Variants in PCDHA1 observed in about 807,000 individuals in gnomAD.
PCDHA1 encodes the protein protocadherin alpha 1.
PCDHA1 carries 42 observed loss-of-function variants against 61.3 expected under a neutral mutation model. The observed-to-expected ratio is 0.69, with a 90% CI of 0.54 to 0.89. The LOEUF (loss-of-function observed/expected upper bound fraction) is 0.89, where lower values mean the gene tolerates loss of function less well. PCDHA1 is among the 40% of genes least tolerant of loss of function. PCDHA1 has a pLI of 0.00. For missense variants in PCDHA1, 1,256 were observed against 1,235.3 expected (o/e 1.02, Z -0.25); for synonymous variants, 610 against 553.8 (o/e 1.10, Z -1.43).
chr5:140,879,805 A>G (rs992856039), intron 1 of PCDHA1, among the ~76,000 whole-genome samples: 1 of 152,128 alleles, frequency 6.6e-6, no homozygotes, highest in Non-Finnish European at 1.5e-5. Flanking sequence ...TCCAGTTTCT[A>G]TTGGCTGTTG....
intron 1 of PCDHA1, chr5:140,811,556 A>G (rs1423019320): frequency 6.6e-6 from 1 of 152,204 alleles, no homozygotes; most frequent in Non-Finnish European, 1.5e-5. Flanking sequence ...CTAGTTCCAG[A>G]TCCTTGAGGA....
In PCDHA1 at chr5:140,850,341, G is replaced by T. The variant is rs146727140; in HGVS notation, c.2394+61657G>T. 29 of 1,597,748 alleles carry T rather than the reference G, an allele frequency of 1.8e-5. 2 individuals are homozygous for T. The highest frequency in any genetic ancestry group is 2.4e-5 in the Non-Finnish European group (28 of 1,167,702). Reference sequence around the variant, plus strand: ...TTCATACGAGCTGCAGCCAGAAACGGCCAGCGCGAGCATCCCGTTCCGCGT... The same window carrying T: ...TTCATACGAGCTGCAGCCAGAAACGTCCAGCGCGAGCATCCCGTTCCGCGT... On this transcript the variant is annotated intron_variant, in intron 1 of 3. Transcript: ENST00000504120.
At chr5:140,887,357 A>G (rs112910602) in intron 1 of PCDHA1, among the ~76,000 whole-genome samples, 1 of 152,032 alleles carries the variant, frequency 6.6e-6, no homozygotes, top group Non-Finnish European at 1.5e-5. Flanking sequence ...CGGCCTCCCA[A>G]AGTGCTGGGA....
chr5:140,867,596 G>C (rs1388910756), intron 1 of PCDHA1: 2 of 152,076 alleles, frequency 1.3e-5, no homozygotes, highest in African/African-American at 2.4e-5. Context: ...TTAGATTGGA[G>C]ATAAACCATC....
chr5:140,859,888 A>T (rs2046074014), intron 1 of PCDHA1: 1 of 152,104 alleles, frequency 6.6e-6, no homozygotes. Context: ...TATTTTGAAA[A>T]AAAATCTTCC....
Position 140,786,748 on chromosome 5 carries a change from C to T in PCDHA1, c.458C>T (p.Pro153Leu). ...TCTAGACTCCTGAATTCGCGTTTTC[C>T]GATAGAAGGAGCTGCTGATGCAGAC... The part of the protein sequence containing the change: ...PESRLLNSRF[P>L]IEGAADADIG... Residue 153 changes from proline (P) to leucine (L), a missense_variant, in exon 1 of 4, where the codon CCG (proline) becomes CTG (leucine). Pro to Leu is a moderately conservative substitution (Grantham distance 98). Transcript: ENST00000504120. 2 of 1,614,168 alleles carry T rather than the reference C, an allele frequency of 1.2e-6. No homozygotes were observed. Among genetic ancestry groups the T allele is most frequent in the Non-Finnish European group, 1.7e-6 (2 of 1,180,034 alleles).
intron 3 of PCDHA1, among the ~76,000 whole-genome samples, chr5:140,988,287 C>A (rs2097291303): frequency 6.6e-6 from 1 of 152,240 alleles, no homozygotes; most frequent in Non-Finnish European, 1.5e-5. Context: ...TGCCATCTGA[C>A]AGCCCAGGAG....
intron 1 of PCDHA1, among the ~76,000 whole-genome samples, chr5:140,833,344 C>A (rs1772415330): frequency 6.6e-6 from 1 of 152,078 alleles, no homozygotes; most frequent in Admixed American, 6.6e-5. Flanking sequence ...GTGAAACATT[C>A]CAGAAAACGA....
intron 1 of PCDHA1, among the ~76,000 whole-genome samples, chr5:140,951,327 C>T (rs782778063): frequency 5.3e-5 from 8 of 152,026 alleles, no homozygotes; most frequent in Non-Finnish European, 8.8e-5. Context: ...TGAGATTCAT[C>T]ATTCTGTTTG....
chr5:140,999,125 G>A (rs1554256627), intron 3 of PCDHA1, among the ~76,000 whole-genome samples: 1 of 152,152 alleles, frequency 6.6e-6, no homozygotes, highest in Non-Finnish European at 1.5e-5. Context: ...TTCTAAGCTG[G>A]AAAATGTCAC....
At chr5:140,834,711 G>A (rs1401581496) in intron 1 of PCDHA1, 1 of 1,614,266 alleles carries the variant, frequency 6.2e-7, no homozygotes. Context: ...GGAGGTGATC[G>A]TGGAAAGGCC....
At chr5:141,002,333 G>A (rs782123745) in intron 3 of PCDHA1, among the ~76,000 whole-genome samples, 15 of 152,314 alleles carry the variant, frequency 9.8e-5, no homozygotes, top group Non-Finnish European at 1.8e-4. Flanking sequence ...GGCTGCATCC[G>A]CACCCCTTCC....
At chr5:140,822,189 A>G in intron 1 of PCDHA1, 1 of 1,614,246 alleles carries the variant, frequency 6.2e-7, no homozygotes, top group Non-Finnish European at 8.5e-7. Flanking sequence ...AAGAACAAAG[A>G]TTATTCATTT....
intron 1 of PCDHA1, 52 bp from the exon 2 acceptor site, chr5:140,978,897 G>T: frequency 6.2e-7 from 1 of 1,612,776 alleles, no homozygotes; most frequent in Non-Finnish European, 8.5e-7. Context: ...AGCATTCCTG[G>T]GAGAACATTG....
At chr5:140,864,271 A>T (rs2048397543) in intron 1 of PCDHA1, 1 of 152,134 alleles carries the variant, frequency 6.6e-6, no homozygotes, top group African/African-American at 2.4e-5. Context: ...TGTGTCCTCC[A>T]TTCCTTATTG....
chr5:140,943,333 T>C (rs1337058167), intron 1 of PCDHA1, among the ~76,000 whole-genome samples: 1 of 150,974 alleles, frequency 6.6e-6, no homozygotes, highest in East Asian at 1.9e-4. Flanking sequence ...GTAGTATCCA[T>C]TGGACAGGAT....
At chr5:140,873,823 G>T (rs2054513552) in intron 1 of PCDHA1, among the ~76,000 whole-genome samples, 1 of 152,076 alleles carries the variant, frequency 6.6e-6, no homozygotes, top group Non-Finnish European at 1.5e-5. Context: ...ACCACTCCTG[G>T]CTAATTTTTG....
chr5:140,980,575 A>C (rs901433332), intron 2 of PCDHA1, among the ~76,000 whole-genome samples: 3 of 152,296 alleles, frequency 2.0e-5, no homozygotes, highest in Admixed American at 1.3e-4. Context: ...AGTTGCAGTG[A>C]GCCAAGATCG....
At chr5:140,993,406 T>C (rs1382987714) in intron 3 of PCDHA1, among the ~76,000 whole-genome samples, 2 of 150,998 alleles carry the variant, frequency 1.3e-5, no homozygotes, top group South Asian at 4.2e-4. Flanking sequence ...TTAACCACCT[T>C]CATCAGCATT....
Sources: allele counts gnomAD v4.1 joint callset (sites outside exome capture counted in the v4.1 genomes callset), GRCh38; gene constraint gnomAD v4.1.1; transcripts MANE v1.5; gene names NCBI Gene and HGNC (gene_info 2026-07-23, HGNC 2026-07-21).